Variants in PKN2 observed in about 807,000 individuals in gnomAD.
PKN2 encodes serine/threonine-protein kinase N2.
PKN2 carries 38 observed loss-of-function variants against 119.1 expected under a neutral mutation model. The observed-to-expected ratio is 0.32, with a 90% CI of 0.25 to 0.42. PKN2 has a LOEUF of 0.42. Among genes scored for constraint, PKN2 ranks in the 10% least tolerant of loss-of-function variants. The pLI, the probability that PKN2 is intolerant of heterozygous loss-of-function variation, is 1.00. For synonymous variants in PKN2, 390 were observed against 384.9 expected, an observed-to-expected ratio of 1.01 and a Z score of -0.15; for missense variants, 850 against 1,165.1, an observed-to-expected ratio of 0.73 and a Z score of 3.94.
At chr1:88,746,292 C>G (rs72953680) in intron 2 of PKN2, among the ~76,000 whole-genome samples, 1,970 of 152,150 alleles carry the variant, frequency 0.013, 44 homozygotes, top group African/African-American at 0.045. Flanking sequence ...TTGGAAACTT[C>G]TGCACAGCAA....
intron 8 of PKN2, among the ~76,000 whole-genome samples, chr1:88,797,614 C>G (rs1036769822): frequency 1.3e-5 from 2 of 150,966 alleles, no homozygotes; most frequent in Admixed American, 1.3e-4. Flanking sequence ...TGCGCTCCAG[C>G]CTGGCGACAG....
At chr1:88,813,429 A>G in intron 15 of PKN2, 128 bp from the exon 16 acceptor site, 3 of 613,750 alleles carry the variant, frequency 4.9e-6, no homozygotes, top group African/African-American at 1.9e-5. Context: ...CAAAACTAAG[A>G]CACATGTTAG....
At chr1:88,703,981 T>A (rs1570499498) in intron 1 of PKN2, among the ~76,000 whole-genome samples, 1 of 152,154 alleles carries the variant, frequency 6.6e-6, no homozygotes, top group East Asian at 1.9e-4. Flanking sequence ...TCAGCATCCT[T>A]ATTTAAAGAG....
chr1:88,723,406 C>T (rs569044946), intron 1 of PKN2, among the ~76,000 whole-genome samples: 1 of 116,490 alleles, frequency 8.6e-6, no homozygotes, highest in South Asian at 3.9e-4. Flanking sequence ...AGCCACCGTG[C>T]CCTGCCCCCC....
chr1:88,788,723 TC>T (rs1419018243), intron 8 of PKN2, among the ~76,000 whole-genome samples: 3 of 151,954 alleles, frequency 2.0e-5, no homozygotes, highest in Admixed American at 6.6e-5. Context: ...GGGATTACAC[TC>T]CTGAACCACC....
At chr1:88,686,454 G>A (rs1666105440) in intron 1 of PKN2, among the ~76,000 whole-genome samples, 2 of 151,940 alleles carry the variant, frequency 1.3e-5, no homozygotes, top group African/African-American at 4.8e-5. Flanking sequence ...AGCAAAGAAG[G>A]AAGAAATTTT....
intron 1 of PKN2, among the ~76,000 whole-genome samples, chr1:88,740,016 A>T (rs571774791): frequency 7.2e-5 from 11 of 152,316 alleles, no homozygotes; most frequent in South Asian, 6.2e-4. Context: ...GGGGAAAAAA[A>T]AAATAAAAAA....
At chr1:88,732,252 G>A (rs305222) in intron 1 of PKN2, among the ~76,000 whole-genome samples, 152,102 of 152,284 alleles carry the variant, frequency 1, 75,961 homozygotes, top group Middle Eastern at 1. Context: ...TCCTTATTAG[G>A]CAAGGTTAAA....
intron 16 of PKN2, among the ~76,000 whole-genome samples, chr1:88,816,575 T>C (rs1672005368): frequency 6.6e-6 from 1 of 152,012 alleles, no homozygotes; most frequent in South Asian, 2.1e-4. Flanking sequence ...CTCACGTTTA[T>C]TTTAATAAAC....
chr1:88,834,108 T>C lies in PKN2; in HGVS notation c.*660T>C, dbSNP rs541804432. On this transcript the variant is annotated 3_prime_UTR_variant, in exon 22 of 22. Coordinates refer to ENST00000370521, the MANE Select transcript of PKN2 (RefSeq NM_006256.4). Reference sequence around the variant, plus strand: ...GCTTATAGCTTTCCAACAGAGCTGCTTGCCAAACAATTTTTTTTGTTTATT... The same window carrying C: ...GCTTATAGCTTTCCAACAGAGCTGCCTGCCAAACAATTTTTTTTGTTTATT... 2.0e-5 allele frequency: 3 copies of C among 152,178 alleles called. No homozygotes were observed. The South Asian group carries it at 6.2e-4, about 32-fold the overall frequency. 9.4% of individuals were successfully genotyped at this position (152,178 alleles called of 1,614,324 possible). A position where few individuals can be genotyped will look rare whatever the true frequency, so the allele number is the denominator to read the frequency against.
chr1:88,751,081 G>A (rs1238125231), intron 2 of PKN2, among the ~76,000 whole-genome samples: 1 of 152,096 alleles, frequency 6.6e-6, no homozygotes, highest in Non-Finnish European at 1.5e-5. Context: ...TCTGGCATCT[G>A]CCTCTATTAT....
At chr1:88,752,274 T>A (rs1669033159) in intron 2 of PKN2, among the ~76,000 whole-genome samples, 2 of 152,164 alleles carry the variant, frequency 1.3e-5, no homozygotes, top group African/African-American at 2.4e-5. Flanking sequence ...TACATTTTTT[T>A]AATGCTAGAG....
intron 2 of PKN2, among the ~76,000 whole-genome samples, chr1:88,746,837 A>T (rs1668791400): frequency 6.6e-6 from 1 of 152,184 alleles, no homozygotes; most frequent in South Asian, 2.1e-4. Context: ...TATAGCCAAG[A>T]TATCCAAACA....
At position 88,824,342 on chromosome 1, in the gene PKN2, C is replaced by A; in HGVS notation, c.2375C>A (p.Thr792Lys). The A allele has an allele frequency of 6.3e-7, 1 of 1,598,866 alleles. No homozygotes were observed. Among genetic ancestry groups the A allele is most frequent in the Non-Finnish European group, 8.6e-7 (1 of 1,167,290 alleles). Reference protein sequence around the residue: ...DLKLDNLLLDTEGFVKIADFG... With the variant: ...DLKLDNLLLDKEGFVKIADFG... The stretch of plus-strand genomic sequence containing the variant: ...AAATTGGATAACTTATTGCTAGATA[C>A]AGAGGGCTTTGTGAAAATTGCTGAT... Residue 792 changes from threonine to lysine, a missense_variant, in exon 18 of 22, where the codon ACA (threonine) becomes AAA (lysine). Thr to Lys is a moderately conservative substitution (Grantham distance 78, BLOSUM62 -1). This residue lies in a region of PKN2 where 55 missense variants were observed against 85.9 expected (regional missense o/e 0.64). Coordinates refer to ENST00000370521, the MANE Select transcript of PKN2 (RefSeq NM_006256.4).
intron 1 of PKN2, among the ~76,000 whole-genome samples, chr1:88,687,424 T>C (rs1666146312): frequency 6.6e-6 from 1 of 152,176 alleles, no homozygotes; most frequent in South Asian, 2.1e-4. Context: ...CTTTTTTTAT[T>C]TGAAGTATAG....
rs59222278 is a variant in PKN2, at chr1:88,693,138, C to T, written c.48+8510C>T. ...AGTTGCTTATTTTCCAATTCCATAC[C>T]TCTCTGTTGCAAACTACTTATTATT... On this transcript the variant is annotated intron_variant, in intron 1 of 21. Coordinates refer to ENST00000370521, the MANE Select transcript of PKN2 (RefSeq NM_006256.4). 5.1e-3 allele frequency among the ~76,000 whole-genome samples: 769 copies of T among 152,194 alleles called. 3 individuals are homozygous for T. The highest frequency in any genetic ancestry group is 0.017 in the African/African-American group (724 of 41,526).
intron 3 of PKN2, among the ~76,000 whole-genome samples, chr1:88,766,501 A>G (rs1669674885): frequency 1.3e-5 from 2 of 152,222 alleles, no homozygotes; most frequent in African/African-American, 4.8e-5. Flanking sequence ...TATTCTTATA[A>G]TTGTAAAATA....
chr1:88,703,905 T>C lies in PKN2; in HGVS notation c.48+19277T>C, dbSNP rs548707983. On this transcript the variant is annotated intron_variant, in intron 1 of 21. Coordinates refer to ENST00000370521, the MANE Select transcript of PKN2 (RefSeq NM_006256.4). ...GATAATTTTTGATGAATATCCTTGA[T>C]ATTAGTAAAGGGAGGCTAATCCTGT... is the stretch of plus-strand genomic sequence containing the variant. Among the ~76,000 whole-genome samples, 8 of 152,284 alleles carry C rather than the reference T, an allele frequency of 5.3e-5. No individual in the cohort carries two copies. In the East Asian group the frequency reaches 1.5e-3, roughly 29 times the overall value.
At chr1:88,821,727 T>C (rs982839833) in intron 16 of PKN2, among the ~76,000 whole-genome samples, 1 of 152,236 alleles carries the variant, frequency 6.6e-6, no homozygotes, top group African/African-American at 2.4e-5. Context: ...GTGACTCCAC[T>C]AGGCAAAGTT....
Sources: gnomAD v4.1 joint callset for allele counts (sites outside exome capture counted in the v4.1 genomes callset) on GRCh38, gnomAD v4.1.1 for gene constraint, gnomAD v4.1.1 regional missense constraint, MANE v1.5 for transcripts, NCBI Gene and HGNC (gene_info 2026-07-23, HGNC 2026-07-21) for gene names.